The following SLC25A21 variants were observed in gnomAD, a reference collection of about 807,000 sequenced individuals.
SLC25A21 encodes the protein solute carrier family 25 member 21, also known as mitochondrial 2-oxodicarboxylate carrier.
Under a neutral mutation model 43.8 loss-of-function variants are expected in SLC25A21, and 47 were observed. That is an observed-to-expected ratio of 1.07 (90% CI 0.85 to 1.37). SLC25A21 has a LOEUF of 1.37. SLC25A21 is among the 40% of genes most tolerant of loss of function. The pLI is 0.00. For synonymous variants in SLC25A21, 131 were observed against 121.3 expected, an observed-to-expected ratio of 1.08 and a Z score of -0.52; for missense variants, 352 against 350.2, an observed-to-expected ratio of 1.00 and a Z score of -0.04.
chr14:36,734,500 T>C lies in SLC25A21; in HGVS notation c.270+7A>G, dbSNP rs1393850195. On this transcript the variant is annotated splice_region_variant and intron_variant, in intron 4 of 9. Coordinates refer to ENST00000331299, the MANE Select transcript of SLC25A21 (RefSeq NM_030631.4). ...TTTTGCTTGGTGCGAACGCATGCAA[T>C]GCTTACCTTCACTGCTCTTTTTGGG... 1 of 1,604,832 alleles carries C rather than the reference T, an allele frequency of 6.2e-7. No homozygotes were observed. Among genetic ancestry groups the C allele is most frequent in the Admixed American group, 1.7e-5 (1 of 59,262 alleles).
At chr14:37,149,168 C>T (rs1162797109) in intron 1 of SLC25A21, among the ~76,000 whole-genome samples, 1 of 151,976 alleles carries the variant, frequency 6.6e-6, no homozygotes, top group African/African-American at 2.4e-5. Flanking sequence ...GATGCCAGTG[C>T]CTCTACTTTT....
intron 1 of SLC25A21, among the ~76,000 whole-genome samples, chr14:37,143,593 T>C (rs1010596724): frequency 6.8e-6 from 1 of 147,690 alleles, no homozygotes; most frequent in African/African-American, 2.5e-5. Context: ...CATTAGCGTG[T>C]GTGTGTGTGT....
intron 7 of SLC25A21, among the ~76,000 whole-genome samples, chr14:36,701,263 AC>A (rs1390747001): frequency 6.6e-6 from 1 of 152,218 alleles, no homozygotes; most frequent in Non-Finnish European, 1.5e-5. Context: ...GGAATCTATT[AC>A]AGTGTTTGTT....
rs745314658 is a variant in SLC25A21, at chr14:36,813,977, G to A, written c.144C>T (p.Thr48=). 19 of 1,607,078 alleles carry A rather than the reference G, an allele frequency of 1.2e-5. No homozygotes were observed. Among genetic ancestry groups the A allele is most frequent in the Non-Finnish European group, 1.4e-5 (16 of 1,178,318 alleles). Residue 48 remains threonine (T), a synonymous_variant, in exon 3 of 10, where the codon ACC becomes ACT. Transcript: ENST00000331299. ...KTRFQIQRCA[T]DPNSYKSLVD... ...CCAAGCTTTTATAACTGTTTGGATC[G>A]GTTGCACATCTCTGAATCTGAAACC...
chr14:36,813,738 G>A (rs2138446293), intron 3 of SLC25A21, among the ~76,000 whole-genome samples, 180 bp downstream of exon 3: 1 of 152,156 alleles, frequency 6.6e-6, no homozygotes, highest in East Asian at 1.9e-4. Context: ...TCTTCTTGTG[G>A]TAGTTTCCAT....
intron 3 of SLC25A21, among the ~76,000 whole-genome samples, chr14:36,745,212 A>C (rs1885444209): frequency 1.3e-5 from 2 of 152,040 alleles, no homozygotes; most frequent in Admixed American, 1.3e-4. Context: ...CATGGTGTAT[A>C]TGTGCCACAT....
intron 1 of SLC25A21, among the ~76,000 whole-genome samples, chr14:37,040,440 A>AAAGG (rs68013942): frequency 2.1e-5 from 1 of 48,674 alleles, no homozygotes; most frequent in South Asian, 4.8e-4. Flanking sequence ...AGAAAGAAAG[A>AAAGG]AAAGAAAAAT....
chr14:36,842,042 C>A (rs569522242), intron 2 of SLC25A21, among the ~76,000 whole-genome samples: 1 of 152,180 alleles, frequency 6.6e-6, no homozygotes, highest in Admixed American at 6.5e-5. Flanking sequence ...CATGTTTCCA[C>A]GTGGTTTGCC....
intron 1 of SLC25A21, among the ~76,000 whole-genome samples, chr14:37,132,295 C>T (rs1963404975): frequency 6.6e-6 from 1 of 152,054 alleles, no homozygotes; most frequent in Admixed American, 6.5e-5. Context: ...ACATTCAAAC[C>T]ACAGCATAGG....
chr14:36,924,204 C>T lies in SLC25A21; in HGVS notation c.71-49200G>A, dbSNP rs1032245880. ...TATACCCAAAGGAATATAAATCATG[C>T]TGCTATAAAGACACATGCACATGTA... On this transcript the variant is annotated intron_variant, in intron 1 of 9. Coordinates refer to ENST00000331299, the MANE Select transcript of SLC25A21 (RefSeq NM_030631.4). 4.6e-5 allele frequency among the ~76,000 whole-genome samples: 7 copies of T among 152,146 alleles called. No individual in the cohort carries two copies. The East Asian group carries it at 9.6e-4, about 21-fold the overall frequency.
At chr14:37,111,272 G>A (rs887796310) in intron 1 of SLC25A21, among the ~76,000 whole-genome samples, 6 of 152,212 alleles carry the variant, frequency 3.9e-5, no homozygotes, top group East Asian at 1.9e-4. Context: ...GTCACCAACC[G>A]TCTTCTGTCT....
At chr14:36,994,743 A>T (rs1960335819) in intron 1 of SLC25A21, among the ~76,000 whole-genome samples, 2 of 152,146 alleles carry the variant, frequency 1.3e-5, no homozygotes, top group Admixed American at 6.6e-5. Context: ...CTTGAATCTA[A>T]CAACACCTCT....
chr14:36,786,477 G>A (rs1304823618), intron 3 of SLC25A21, among the ~76,000 whole-genome samples: 1 of 152,218 alleles, frequency 6.6e-6, no homozygotes, highest in Non-Finnish European at 1.5e-5. Context: ...AATTAGAACA[G>A]CTCCATTTGA....
intron 1 of SLC25A21, among the ~76,000 whole-genome samples, chr14:36,986,743 AT>A (rs996214193): frequency 5.3e-5 from 8 of 151,688 alleles, no homozygotes; most frequent in African/African-American, 1.7e-4. Context: ...TGGGGTGTTC[AT>A]TTTTTTTATG....
intron 3 of SLC25A21, among the ~76,000 whole-genome samples, chr14:36,778,319 C>A (rs748525065): frequency 3.5e-4 from 54 of 152,252 alleles, no homozygotes; most frequent in African/African-American, 1.2e-3. Flanking sequence ...TCTCTCTGAG[C>A]TTCAGCTTCC....
intron 7 of SLC25A21, among the ~76,000 whole-genome samples, chr14:36,709,284 C>T (rs951412868): frequency 6.6e-6 from 1 of 152,204 alleles, no homozygotes; most frequent in Non-Finnish European, 1.5e-5. Flanking sequence ...AGACGAGCCC[C>T]ATGATTGATT....
In SLC25A21 at chr14:36,993,695, T is replaced by C. The variant is rs557671180; in HGVS notation, c.71-118691A>G. Among the ~76,000 whole-genome samples, 13 of 152,276 alleles carry C rather than the reference T, an allele frequency of 8.5e-5. No individual in the cohort carries two copies. The East Asian group carries it at 2.3e-3, about 27-fold the overall frequency. On this transcript the variant is annotated intron_variant, in intron 1 of 9. Coordinates refer to ENST00000331299, the MANE Select transcript of SLC25A21 (RefSeq NM_030631.4). ...TCCAGACAATACATCTTATCATCAT[T>C]CTCATCATAAATGTTAACTAGTGTG...
At chr14:37,060,537 TA>T (rs1471295127) in intron 1 of SLC25A21, among the ~76,000 whole-genome samples, 5 of 151,642 alleles carry the variant, frequency 3.3e-5, no homozygotes, top group Admixed American at 6.6e-5. Context: ...TCATGGGAAG[TA>T]AAAAATCCAG....
In SLC25A21 at chr14:36,679,175, A is replaced by G. The variant is rs899077106; in HGVS notation, c.*1483T>C. 31 of 985,000 alleles carry G rather than the reference A, an allele frequency of 3.1e-5. No individual in the cohort carries two copies. Among genetic ancestry groups the G allele is most frequent in the Non-Finnish European group, 3.6e-5 (30 of 829,740 alleles). The allele number at this position is 985,000 out of a possible 1,614,324, so 61.0% of individuals were successfully genotyped here. A position where few individuals can be genotyped will look rare whatever the true frequency, so the allele number is the denominator to read the frequency against. On this transcript the variant is annotated 3_prime_UTR_variant, in exon 10 of 10. Transcript: ENST00000331299. ...AGTTGTGCAACAGAGACACATTCTT[A>G]TTTCTTTTTTTTCACAATTTTGTTT...
Sources: gnomAD v4.1 joint callset for allele counts (sites outside exome capture counted in the v4.1 genomes callset) on GRCh38, gnomAD v4.1.1 for gene constraint, MANE v1.5 for transcripts, NCBI Gene and HGNC (gene_info 2026-07-23, HGNC 2026-07-21) for gene names.